DGKB: variants seen among roughly 807,000 people sequenced by gnomAD.
The protein encoded by DGKB is 90 kDa diacylglycerol kinase.
A neutral mutation model predicts 114.3 loss-of-function variants in DGKB; 67 were observed. The observed-to-expected ratio is 0.59, with a 90% CI of 0.48 to 0.72. The LOEUF is 0.72. Among genes scored for constraint, DGKB ranks in the 30% least tolerant of loss-of-function variants. The pLI, the probability that DGKB is intolerant of heterozygous loss-of-function variation, is 0.00. For missense variants in DGKB, 907 were observed against 975.2 expected, an observed-to-expected ratio of 0.93 and a Z score of 0.93; for synonymous variants, 398 against 323.1, an observed-to-expected ratio of 1.23 and a Z score of -2.49.
At chr7:14,959,351 T>G (rs894644841) in intron 1 of DGKB, among the ~76,000 whole-genome samples, 1 of 151,938 alleles carries the variant, frequency 6.6e-6, no homozygotes, top group Non-Finnish European at 1.5e-5. Flanking sequence ...TGACTAATTT[T>G]ATACCTGCAA....
intron 21 of DGKB, among the ~76,000 whole-genome samples, chr7:14,379,177 T>G (rs1818982048): frequency 6.6e-6 from 1 of 152,176 alleles, no homozygotes; most frequent in Non-Finnish European, 1.5e-5. Flanking sequence ...GTAAATGGAA[T>G]TCATTTCTCT....
chr7:14,829,188 G>A (rs10085416), intron 2 of DGKB, among the ~76,000 whole-genome samples: 66,770 of 151,710 alleles, frequency 0.44, 15,064 homozygotes, highest in Non-Finnish European at 0.48. Context: ...TCAAAAAGGC[G>A]CCCCACCTTC....
chr7:14,971,912 T>C (rs996856162), intron 1 of DGKB, among the ~76,000 whole-genome samples: 1 of 151,996 alleles, frequency 6.6e-6, no homozygotes, highest in Admixed American at 6.6e-5. Flanking sequence ...ACCCGGCTAA[T>C]TTCTTGTACT....
intron 20 of DGKB, among the ~76,000 whole-genome samples, chr7:14,520,890 T>G (rs757141328): frequency 9.2e-5 from 14 of 152,118 alleles, no homozygotes; most frequent in Non-Finnish European, 4.4e-5. Flanking sequence ...TCAGAGATCT[T>G]CATTATTAAA....
At chr7:14,594,821 C>T (rs1802284859) in intron 17 of DGKB, among the ~76,000 whole-genome samples, 1 of 152,040 alleles carries the variant, frequency 6.6e-6, no homozygotes, top group Non-Finnish European at 1.5e-5. Context: ...AAAGACTTTG[C>T]TTAGGGTCAA....
At chr7:14,149,326 TTAA>T (rs1562472601) in intron 25 of DGKB, 88 bp from the exon 26 acceptor site, 2 of 903,682 alleles carry the variant, frequency 2.2e-6, no homozygotes, top group African/African-American at 3.4e-5. Context: ...TCTGTTAAGG[TTAA>T]TAATATTTCA....
chr7:14,240,859 C>G (rs73067886), intron 23 of DGKB, among the ~76,000 whole-genome samples: 1 of 151,950 alleles, frequency 6.6e-6, no homozygotes, highest in Non-Finnish European at 1.5e-5. Flanking sequence ...TTAATAAGCA[C>G]AGAGGTATCT....
At chr7:14,611,470 G>C (rs1368716349) in intron 16 of DGKB, among the ~76,000 whole-genome samples, 1 of 152,054 alleles carries the variant, frequency 6.6e-6, no homozygotes, top group African/African-American at 2.4e-5. Context: ...AAAAAATTTG[G>C]AAAGGAAAAC....
chr7:14,410,543 T>C (rs1390312540), intron 21 of DGKB, among the ~76,000 whole-genome samples: 3 of 152,134 alleles, frequency 2.0e-5, no homozygotes. Flanking sequence ...TATCCATTGT[T>C]AATATGTTTT....
chr7:14,942,412 T>C (rs1172683137), intron 1 of DGKB, among the ~76,000 whole-genome samples: 1 of 151,994 alleles, frequency 6.6e-6, no homozygotes, highest in Non-Finnish European at 1.5e-5. Context: ...TCATTTACAT[T>C]ATTACATTAT....
intron 1 of DGKB, among the ~76,000 whole-genome samples, chr7:14,870,289 A>T (rs1446653427): frequency 6.6e-6 from 1 of 152,174 alleles, no homozygotes; most frequent in Non-Finnish European, 1.5e-5. Flanking sequence ...TGTAATCTGC[A>T]TTTTATGTGC....
chr7:14,183,171 T>C (rs1782891157), intron 23 of DGKB, among the ~76,000 whole-genome samples: 1 of 152,206 alleles, frequency 6.6e-6, no homozygotes, highest in Admixed American at 6.5e-5. Flanking sequence ...CTAGCAACAT[T>C]ATGAAACATG....
Position 14,495,993 on chromosome 7 carries a change from C to T in DGKB, c.1771-17768G>A, listed in dbSNP as rs551902733. 5.9e-5 allele frequency among the ~76,000 whole-genome samples: 9 copies of T among 151,876 alleles called. No individual in the cohort carries two copies. In the South Asian group the frequency reaches 1.9e-3, roughly 31 times the overall value. ...TTATGTTAAAAATTATTGGAGGCTT[C>T]TTGTAGTGAATTAATTCTAATCAAT... is the stretch of plus-strand genomic sequence containing the variant. On this transcript the variant is annotated intron_variant, in intron 20 of 25. Coordinates refer to ENST00000402815, the MANE Select transcript of DGKB (RefSeq NM_001350709.2).
chr7:14,270,048 CAA>C (rs397889901), intron 23 of DGKB, among the ~76,000 whole-genome samples: 2,145 of 52,670 alleles, frequency 0.041, 11 homozygotes, highest in Non-Finnish European at 0.06. Context: ...GCTTTTTTTG[CAA>C]AAAAAAAAAA....
Position 14,188,603 on chromosome 7 carries a change from T to C in DGKB, c.2123-10452A>G, listed in dbSNP as rs1584340809. Reference sequence around the variant, plus strand: ...TGAACCCGGGAGGCGGAGCTTGCAGTGAGCCTAGATCCCGCCACTGCACTC... The same window carrying C: ...TGAACCCGGGAGGCGGAGCTTGCAGCGAGCCTAGATCCCGCCACTGCACTC... On this transcript the variant is annotated intron_variant, in intron 23 of 25. Transcript: ENST00000402815. Among the ~76,000 whole-genome samples the C allele has an allele frequency of 1.9e-5, 2 of 106,298 alleles. 1 individual carries two copies. The highest frequency in any genetic ancestry group is 2.9e-4 in the Admixed American group (2 of 7,014). The allele number at this position is 106,298 out of a possible 152,430, so 69.7% of individuals were successfully genotyped here.
intron 21 of DGKB, among the ~76,000 whole-genome samples, chr7:14,366,444 G>T (rs958991240): frequency 8.5e-5 from 13 of 152,090 alleles, no homozygotes; most frequent in African/African-American, 3.1e-4. Context: ...GCATACTCCT[G>T]CCCCAGGCAA....
intron 21 of DGKB, among the ~76,000 whole-genome samples, chr7:14,389,061 G>A (rs1277188334): frequency 2.0e-5 from 3 of 152,172 alleles, no homozygotes; most frequent in South Asian, 2.1e-4. Context: ...TTTTTTTGCT[G>A]CTATTGCTGA....
chr7:14,423,293 G>A (rs779147381), intron 21 of DGKB, among the ~76,000 whole-genome samples: 68 of 151,964 alleles, frequency 4.5e-4, no homozygotes, highest in Non-Finnish European at 1.6e-4. Flanking sequence ...CTATTCAATT[G>A]CAAAATGTAA....
rs1162301504 is a variant in DGKB, at chr7:14,392,983, T to TTTTTTG, written c.1836-47598_1836-47593dup. On this transcript the variant is annotated intron_variant, in intron 21 of 25. Coordinates refer to ENST00000402815, the MANE Select transcript of DGKB (RefSeq NM_001350709.2). ...TAACCTGAGGGCCAAAACAGACCTG[T>TTTTTTG]TTTTTGTTTTTGTTTTTTTTTTTTT... Among the ~76,000 whole-genome samples, 610 of 88,358 alleles carry TTTTTTG rather than the reference T, an allele frequency of 6.9e-3. 107 individuals carry two copies. The highest frequency in any genetic ancestry group is 0.021 in the Middle Eastern group (3 of 142). The allele number at this position is 88,358 out of a possible 152,430, so 58.0% of individuals were successfully genotyped here.
Sources: gnomAD v4.1 joint callset for allele counts (sites outside exome capture counted in the v4.1 genomes callset) on GRCh38, gnomAD v4.1.1 for gene constraint, MANE v1.5 for transcripts, NCBI Gene and HGNC (gene_info 2026-07-23, HGNC 2026-07-21) for gene names.